Variants in KLHL1 observed in about 807,000 individuals in gnomAD.
KLHL1 encodes the protein kelch-like protein 1.
KLHL1 carries 47 observed loss-of-function variants against 77.7 expected under a neutral mutation model. That is an observed-to-expected ratio of 0.60 (90% CI 0.48 to 0.77). The LOEUF (loss-of-function observed/expected upper bound fraction) is 0.77. Ranked by LOEUF, KLHL1 falls within the 30% of genes least tolerant of loss-of-function variation. KLHL1 has a pLI of 0.00. For synonymous variants in KLHL1, 360 were observed against 325.2 expected, an observed-to-expected ratio of 1.11 and a Z score of -1.15; for missense variants, 925 against 910.8, an observed-to-expected ratio of 1.02 and a Z score of -0.20.
chr13:69,882,216 A>G (rs935510723), intron 5 of KLHL1, 67 bp downstream of exon 5: 1 of 1,062,232 alleles, frequency 9.4e-7, no homozygotes, highest in Non-Finnish European at 1.4e-6. Flanking sequence ...ATGTGTTTTG[A>G]TGTTTACTTT....
intron 1 of KLHL1, among the ~76,000 whole-genome samples, chr13:70,104,222 G>A (rs189369313): frequency 9.2e-5 from 14 of 152,196 alleles, no homozygotes; most frequent in African/African-American, 3.4e-4. Flanking sequence ...ATGATTAATA[G>A]GCCAGTGAAC....
intron 7 of KLHL1, among the ~76,000 whole-genome samples, chr13:69,773,723 T>A (rs1033683496): frequency 6.6e-6 from 1 of 151,878 alleles, no homozygotes; most frequent in Admixed American, 6.6e-5. Flanking sequence ...ATAAAATTTT[T>A]GAAAATTTCC....
intron 5 of KLHL1, among the ~76,000 whole-genome samples, chr13:69,881,775 A>G (rs1880999751): frequency 6.6e-6 from 1 of 152,146 alleles, no homozygotes; most frequent in African/African-American, 2.4e-5. Flanking sequence ...CTAATTGCTA[A>G]CTACTGTTAA....
Position 69,883,320 on chromosome 13 carries a change from A to G in KLHL1, c.1015-825T>C, listed in dbSNP as rs183401849. ...CTTTTCCTGTTCTCTTTGTTTTTCA[A>G]CTTGCCATCTTGTTTGACATTTCCT... On this transcript the variant is annotated intron_variant, in intron 4 of 10. Transcript: ENST00000377844. Among the ~76,000 whole-genome samples the G allele has an allele frequency of 3.8e-4, 58 of 152,114 alleles. 2 individuals are homozygous for G. In the East Asian group the frequency reaches 0.011, roughly 29 times the overall value.
intron 1 of KLHL1, among the ~76,000 whole-genome samples, chr13:69,979,990 C>T (rs556847202): frequency 1.3e-5 from 2 of 152,326 alleles, no homozygotes; most frequent in East Asian, 1.9e-4. Context: ...AACTACCCAT[C>T]TAACGGAACT....
intron 7 of KLHL1, among the ~76,000 whole-genome samples, chr13:69,757,071 C>T (rs1874781202): frequency 6.6e-6 from 1 of 152,132 alleles, no homozygotes; most frequent in Non-Finnish European, 1.5e-5. Context: ...CAGTCAGTCT[C>T]TTCATTAGAA....
intron 6 of KLHL1, among the ~76,000 whole-genome samples, chr13:69,811,096 G>C (rs1040057577): frequency 2.6e-5 from 4 of 151,768 alleles, no homozygotes; most frequent in Non-Finnish European, 4.4e-5. Context: ...ATCAAGGAGG[G>C]GGGCCTCCTC....
intron 4 of KLHL1, among the ~76,000 whole-genome samples, chr13:69,904,329 A>C (rs1881978772): frequency 6.6e-6 from 1 of 152,178 alleles, no homozygotes; most frequent in African/African-American, 2.4e-5. Context: ...CTTGAGAATA[A>C]TAGAATATGA....
rs117274856 is a variant in KLHL1, at chr13:69,758,505, C to T, written c.1640-17949G>A. 6.8e-3 allele frequency among the ~76,000 whole-genome samples: 1,039 copies of T among 152,114 alleles called. 21 individuals carry two copies. The highest frequency in any genetic ancestry group is 0.05 in the East Asian group (261 of 5,172). ...ATGACTTTTTCTTACACAAAAATCACATCTTCATGCCTTTTAAAATAAACT... is the reference window on the plus strand; with the variant it reads ...ATGACTTTTTCTTACACAAAAATCATATCTTCATGCCTTTTAAAATAAACT... On this transcript the variant is annotated intron_variant, in intron 7 of 10. Transcript: ENST00000377844.
chr13:69,711,972 C>T (rs1425005234), intron 9 of KLHL1, among the ~76,000 whole-genome samples: 1 of 152,078 alleles, frequency 6.6e-6, no homozygotes, highest in Non-Finnish European at 1.5e-5. Flanking sequence ...ACGACTAATG[C>T]CATCCAATCA....
chr13:70,038,114 G>A (rs572009928), intron 1 of KLHL1, among the ~76,000 whole-genome samples: 17 of 152,158 alleles, frequency 1.1e-4, no homozygotes, highest in South Asian at 4.1e-4. Context: ...CCATCTTCAC[G>A]TTTAAGCCAT....
At chr13:69,848,855 G>A (rs1422979256) in intron 5 of KLHL1, among the ~76,000 whole-genome samples, 3 of 151,470 alleles carry the variant, frequency 2.0e-5, no homozygotes, top group Non-Finnish European at 4.4e-5. Flanking sequence ...ATCAAAATAA[G>A]TAGAGCTCAC....
intron 1 of KLHL1, among the ~76,000 whole-genome samples, chr13:69,984,559 C>G (rs535135081): frequency 2.0e-4 from 31 of 152,260 alleles, no homozygotes; most frequent in Middle Eastern, 3.4e-3. Flanking sequence ...TCTTTGGGCT[C>G]TATGTAAATC....
At chr13:69,732,437 A>G (rs1873587222) in intron 8 of KLHL1, among the ~76,000 whole-genome samples, 1 of 152,014 alleles carries the variant, frequency 6.6e-6, no homozygotes, top group South Asian at 2.1e-4. Context: ...ATCCAGAAAC[A>G]TTTTGATTTT....
chr13:70,011,552 C>G (rs1885533852), intron 1 of KLHL1, among the ~76,000 whole-genome samples: 1 of 152,112 alleles, frequency 6.6e-6, no homozygotes, highest in African/African-American at 2.4e-5. Context: ...TTGATTTTCT[C>G]TATCAGCCAT....
intron 5 of KLHL1, among the ~76,000 whole-genome samples, chr13:69,852,322 C>T (rs1358520974): frequency 6.6e-6 from 1 of 151,878 alleles, no homozygotes; most frequent in Non-Finnish European, 1.5e-5. Context: ...TTACTTCTCC[C>T]ACATTTTATT....
intron 4 of KLHL1, among the ~76,000 whole-genome samples, chr13:69,920,260 T>A (rs872603): frequency 0.55 from 82,727 of 151,754 alleles, 22,711 homozygotes; most frequent in South Asian, 0.66. Flanking sequence ...CAGTTTCCAA[T>A]TTTTGGAAAA....
At chr13:69,984,195 A>G (rs1566472630) in intron 1 of KLHL1, among the ~76,000 whole-genome samples, 1 of 152,140 alleles carries the variant, frequency 6.6e-6, no homozygotes, top group Non-Finnish European at 1.5e-5. Flanking sequence ...ATTTAGGCAG[A>G]TAGTGAGGGT....
chr13:69,902,445 G>A (rs1881899692), intron 4 of KLHL1, among the ~76,000 whole-genome samples: 1 of 152,156 alleles, frequency 6.6e-6, no homozygotes, highest in South Asian at 2.1e-4. Flanking sequence ...TCAGTCAAGT[G>A]ATGTGTATTG....
Sources: allele counts gnomAD v4.1 joint callset (sites outside exome capture counted in the v4.1 genomes callset), GRCh38; gene constraint gnomAD v4.1.1; transcripts MANE v1.5; gene names NCBI Gene and HGNC (gene_info 2026-07-23, HGNC 2026-07-21).